FGD5: variants seen among roughly 807,000 people sequenced by gnomAD.
The protein encoded by FGD5 is FYVE, RhoGEF and PH domain-containing protein 5.
FGD5 carries 28 observed loss-of-function variants against 133.4 expected under a neutral mutation model. That is an observed-to-expected ratio of 0.21 (90% CI 0.16 to 0.29). The LOEUF is 0.29. Among genes scored for constraint, FGD5 ranks in the 10% least tolerant of loss-of-function variants. FGD5 has a pLI of 1.00. For synonymous variants in FGD5, 810 were observed against 776.5 expected, an observed-to-expected ratio of 1.04 and a Z score of -0.72; for missense variants, 1,858 against 1,895.2, an observed-to-expected ratio of 0.98 and a Z score of 0.36.
At chr3:14,904,689 C>T (rs1258681911) in intron 9 of FGD5, among the ~76,000 whole-genome samples, 1 of 152,204 alleles carries the variant, frequency 6.6e-6, no homozygotes, top group African/African-American at 2.4e-5. Flanking sequence ...GGTGCACTTA[C>T]TGGTAATGTG....
intron 11 of FGD5, among the ~76,000 whole-genome samples, chr3:14,911,696 G>A (rs1333796666): frequency 6.6e-6 from 1 of 150,834 alleles, no homozygotes; most frequent in African/African-American, 2.4e-5. Flanking sequence ...CCCAGGTCTT[G>A]CCCTCAGCCT....
At chr3:14,822,781 CAT>C (rs1384170113) in intron 1 of FGD5, among the ~76,000 whole-genome samples, 3 of 152,228 alleles carry the variant, frequency 2.0e-5, no homozygotes, top group South Asian at 4.1e-4. Context: ...TCTTTTCCCT[CAT>C]GTGCAGAAAC....
Position 14,897,964 on chromosome 3 carries a change from G to A in FGD5, c.2935G>A (p.Val979Ile), listed in dbSNP as rs67571220. The A allele has an allele frequency of 0.026, 41,808 of 1,613,946 alleles. 630 individuals carry two copies. The highest frequency in any genetic ancestry group is 0.031 in the Non-Finnish European group (36,802 of 1,179,886). ...GGAGAGCCAGCAGAAGGTAGCTGACGTCTTCCTGGCCCGGGAGCAGGGGTT... is the reference window on the plus strand; with the variant it reads ...GGAGAGCCAGCAGAAGGTAGCTGACATCTTCCTGGCCCGGGAGCAGGGGTT... ...NWESQQKVADVFLAREQGFDH... is the reference protein window; with the variant it reads ...NWESQQKVADIFLAREQGFDH... The change falls in exon 6 of 20, where the codon GTC (valine) becomes ATC (isoleucine). Residue 979 changes from valine (V) to isoleucine (I), a missense_variant. Around this residue, in one of 3 missense-constraint regions of FGD5, gnomAD observed 1,824 missense variants for 1,848.9 expected, o/e 0.99. Coordinates refer to ENST00000285046, the MANE Select transcript of FGD5 (RefSeq NM_152536.4).
At chr3:14,848,298 C>G (rs1029030421) in intron 1 of FGD5, among the ~76,000 whole-genome samples, 1 of 152,104 alleles carries the variant, frequency 6.6e-6, no homozygotes, top group Non-Finnish European at 1.5e-5. Context: ...ACTGCCACAC[C>G]CCAAACGCCT....
chr3:14,827,505 G>T (rs901074965), intron 1 of FGD5, among the ~76,000 whole-genome samples: 7 of 151,844 alleles, frequency 4.6e-5, no homozygotes, highest in African/African-American at 1.7e-4. Flanking sequence ...GATGTTTTCT[G>T]GTATTCTTAA....
chr3:14,882,327 G>A (rs1352237482), intron 4 of FGD5: 13 of 985,088 alleles, frequency 1.3e-5, no homozygotes, highest in Non-Finnish European at 1.6e-5. Flanking sequence ...CCTGCTTCCT[G>A]CCAGTTGGAA....
At chr3:14,846,636 T>C (rs1318932016) in intron 1 of FGD5, among the ~76,000 whole-genome samples, 2 of 152,226 alleles carry the variant, frequency 1.3e-5, no homozygotes, top group Non-Finnish European at 2.9e-5. Context: ...CAGGAGCCAC[T>C]GTCCAGGTCC....
intron 1 of FGD5, among the ~76,000 whole-genome samples, chr3:14,845,211 C>T (rs541918553): frequency 5.9e-5 from 9 of 152,310 alleles, no homozygotes; most frequent in African/African-American, 1.7e-4. Context: ...CTGAAGGCAC[C>T]CTTGGATTGG....
intron 1 of FGD5, among the ~76,000 whole-genome samples, chr3:14,843,640 A>AG (rs2036967864): frequency 6.7e-6 from 1 of 150,228 alleles, no homozygotes; most frequent in Non-Finnish European, 1.5e-5. Flanking sequence ...GCTGGCTGGA[A>AG]GGAACCCTGG....
chr3:14,827,505 G>A (rs901074965), intron 1 of FGD5, among the ~76,000 whole-genome samples: 33 of 151,960 alleles, frequency 2.2e-4, no homozygotes, highest in African/African-American at 6.8e-4. Context: ...GATGTTTTCT[G>A]GTATTCTTAA....
At chr3:14,867,650 G>A (rs2037521918) in intron 2 of FGD5, among the ~76,000 whole-genome samples, 1 of 151,072 alleles carries the variant, frequency 6.6e-6, no homozygotes, top group Admixed American at 6.6e-5. Flanking sequence ...GATGGGAAGG[G>A]AGGTTTCCCA....
intron 1 of FGD5, among the ~76,000 whole-genome samples, chr3:14,859,759 C>CTTTGT (rs1172386695): frequency 6.6e-6 from 1 of 151,964 alleles, no homozygotes; most frequent in South Asian, 2.1e-4. Context: ...AGCACATTTC[C>CTTTGT]TTTGTTTTGT....
rs34008934 is a variant in FGD5, at chr3:14,853,636, C to CTTTTTT, written c.2526-10466_2526-10461dup. 8.9e-4 allele frequency among the ~76,000 whole-genome samples: 33 copies of CTTTTTT among 37,128 alleles called. 2 individuals are homozygous for CTTTTTT. Among genetic ancestry groups the CTTTTTT allele is most frequent in the African/African-American group, 1.8e-3 (15 of 8,400 alleles). The allele number at this position is 37,128 out of a possible 152,430, so 24.4% of individuals were successfully genotyped here. A position where few individuals can be genotyped will look rare whatever the true frequency, so the allele number is the denominator to read the frequency against. On this transcript the variant is annotated intron_variant, in intron 1 of 19. Transcript: ENST00000285046. ...GAGATTCCCAGGGGGAAAAGCGTTC[C>CTTTTTT]TTTTTTTTTTTTTTTTTTTTTTTTT... is the stretch of plus-strand genomic sequence containing the variant.
Position 14,922,158 on chromosome 3 carries a change from G to T in FGD5, c.3669+141G>T. On this transcript the variant is annotated intron_variant, in intron 14 of 19. Coordinates refer to ENST00000285046, the MANE Select transcript of FGD5 (RefSeq NM_152536.4). This position sits in a 1 kb window ranked among gnomAD's most constrained non-coding sequence, Gnocchi z 4.1. ...CTGGCTCCCCCCACACCCCTGCCAT[G>T]CTCCCACCCTAGTCAGGGGCGGCCT... 1 of 1,025,518 alleles carries T rather than the reference G, an allele frequency of 9.8e-7. No homozygotes were observed. The highest frequency in any genetic ancestry group is 1.5e-5 in the South Asian group (1 of 66,376). The allele number at this position is 1,025,518 out of a possible 1,614,324, so 63.5% of individuals were successfully genotyped here. A position where few individuals can be genotyped will look rare whatever the true frequency, so the allele number is the denominator to read the frequency against.
intron 2 of FGD5, among the ~76,000 whole-genome samples, chr3:14,867,924 T>G (rs1260072002): frequency 1.3e-5 from 2 of 151,924 alleles, no homozygotes; most frequent in Non-Finnish European, 2.9e-5. Context: ...GAGGTGTTTT[T>G]GGGGGTGCAG....
At chr3:14,914,198 A>C (rs2038506773) in intron 11 of FGD5, among the ~76,000 whole-genome samples, 2 of 152,236 alleles carry the variant, frequency 1.3e-5, no homozygotes, top group Non-Finnish European at 2.9e-5. Flanking sequence ...ACACTTAGGA[A>C]GAATTTTTCT....
chr3:14,854,350 A>G (rs2037228682), intron 1 of FGD5, among the ~76,000 whole-genome samples: 1 of 152,106 alleles, frequency 6.6e-6, no homozygotes. Flanking sequence ...CATTCAGGGT[A>G]CAACAGACCA....
At chr3:14,864,847 C>G (rs556834320) in intron 2 of FGD5, among the ~76,000 whole-genome samples, 1 of 152,134 alleles carries the variant, frequency 6.6e-6, no homozygotes, top group African/African-American at 2.4e-5. Flanking sequence ...GGATAATATA[C>G]ACTCTCTATT....
At position 14,857,841 on chromosome 3, in the gene FGD5, A is replaced by G. The variant is rs112002857; in HGVS notation, c.2526-6287A>G. Among the ~76,000 whole-genome samples, 832 of 152,200 alleles carry G rather than the reference A, an allele frequency of 5.5e-3. 5 individuals carry two copies. Among genetic ancestry groups the G allele is most frequent in the Non-Finnish European group, 9.5e-3 (646 of 68,020 alleles). ...ATCTAATGAGGACCTTCTTTGTGCC[A>G]CTTCTGAGTGCCTTTGTTGCATTAT... On this transcript the variant is annotated intron_variant, in intron 1 of 19. Transcript: ENST00000285046.
Sources: gnomAD v4.1 joint callset for allele counts (sites outside exome capture counted in the v4.1 genomes callset) on GRCh38, gnomAD v4.1.1 for gene constraint, gnomAD v4.1.1 regional missense constraint, Gnocchi (gnomAD v3.1) non-coding constraint, MANE v1.5 for transcripts, NCBI Gene and HGNC (gene_info 2026-07-23, HGNC 2026-07-21) for gene names.